The following ZNF536 variants were observed in gnomAD, a reference collection of about 807,000 sequenced individuals.
The protein encoded by ZNF536 is zinc finger protein 536.
A neutral mutation model predicts 84.5 loss-of-function variants in ZNF536; 13 were observed. The ratio of observed to expected loss-of-function variants is 0.15; its 90% CI spans 0.10 to 0.24. ZNF536 has a LOEUF of 0.24. Ranked by LOEUF, ZNF536 falls within the 10% of genes least tolerant of loss-of-function variation. The pLI is 1.00. For synonymous variants in ZNF536, 811 were observed against 742.5 expected, an observed-to-expected ratio of 1.09 and a Z score of -1.50; for missense variants, 1,536 against 1,747.5, an observed-to-expected ratio of 0.88 and a Z score of 2.16.
At chr19:30,283,477 TCAC>T (rs1381947612) in intron 1 of ZNF536, among the ~76,000 whole-genome samples, 1 of 152,222 alleles carries the variant, frequency 6.6e-6, no homozygotes, top group Non-Finnish European at 1.5e-5. Flanking sequence ...GTAGAAAATC[TCAC>T]TGGCTGCTGC....
intron 1 of ZNF536, among the ~76,000 whole-genome samples, chr19:30,265,350 C>G (rs1364496767): frequency 6.6e-6 from 1 of 152,190 alleles, no homozygotes; most frequent in African/African-American, 2.4e-5. Context: ...ATTTCTGCAT[C>G]TTCCCCCATG....
chr19:30,654,855 G>A (rs1260639560), intron 1 of ZNF536, among the ~76,000 whole-genome samples: 1 of 150,904 alleles, frequency 6.6e-6, no homozygotes, highest in African/African-American at 2.4e-5. Context: ...CCCATGCTGG[G>A]CAAAGCCACC....
intron 1 of ZNF536, among the ~76,000 whole-genome samples, chr19:30,268,495 C>T (rs1599965173): frequency 6.6e-6 from 1 of 152,206 alleles, no homozygotes; most frequent in East Asian, 1.9e-4. Flanking sequence ...CTTCTCGACC[C>T]TCCCAGGGAG....
At chr19:30,504,292 CTCCT>C (rs1379963936) in intron 2 of ZNF536, among the ~76,000 whole-genome samples, 21 of 147,458 alleles carry the variant, frequency 1.4e-4, no homozygotes, top group Non-Finnish European at 2.9e-4. Context: ...CCCTCCCTCC[CTCCT>C]TCCTTCCTTC....
intron 1 of ZNF536, among the ~76,000 whole-genome samples, chr19:30,595,485 T>C (rs2047431975): frequency 6.6e-6 from 1 of 152,056 alleles, no homozygotes; most frequent in Non-Finnish European, 1.5e-5. Context: ...ATGGGGTCTC[T>C]CTATGTTGCC....
intron 2 of ZNF536, among the ~76,000 whole-genome samples, chr19:30,288,832 A>G (rs2045736405): frequency 6.6e-6 from 1 of 152,160 alleles, no homozygotes; most frequent in Non-Finnish European, 1.5e-5. Flanking sequence ...CATTTCCTCT[A>G]TTCCATCATC....
At chr19:30,667,580 T>C (rs2050379949) in intron 1 of ZNF536, among the ~76,000 whole-genome samples, 1 of 151,292 alleles carries the variant, frequency 6.6e-6, no homozygotes, top group Non-Finnish European at 1.5e-5. Flanking sequence ...CATGACTGTG[T>C]ATAAAACAAT....
intron 1 of ZNF536, among the ~76,000 whole-genome samples, chr19:30,265,013 G>T (rs78409402): frequency 6.8e-6 from 1 of 148,102 alleles, no homozygotes; most frequent in African/African-American, 2.5e-5. Context: ...CACTCATCTC[G>T]CAGCCATTTC....
At chr19:30,476,556 G>A (rs1405371468) in intron 2 of ZNF536, among the ~76,000 whole-genome samples, 1 of 152,188 alleles carries the variant, frequency 6.6e-6, no homozygotes, top group Non-Finnish European at 1.5e-5. Context: ...GTTCGTGAAG[G>A]AATATTGCTT....
chr19:30,416,054 A>G (rs2050717450), intron 1 of ZNF536, among the ~76,000 whole-genome samples: 1 of 152,128 alleles, frequency 6.6e-6, no homozygotes, highest in Non-Finnish European at 1.5e-5. Context: ...CTACTTTCAC[A>G]TGATCTTTCA....
chr19:30,581,350 G>A (rs948307235), intron 1 of ZNF536, among the ~76,000 whole-genome samples: 2 of 151,828 alleles, frequency 1.3e-5, no homozygotes, highest in Admixed American at 6.5e-5. Context: ...GGTGGTGGGC[G>A]CCTGTAGTCC....
chr19:30,444,866 A>C lies in ZNF536; in HGVS notation c.1304A>C (p.Gln435Pro). The change falls in exon 2 of 5, where the codon CAG becomes CCG. Residue 435 changes from glutamine to proline, a missense_variant. Physicochemically the swap from Gln to Pro is moderately conservative, Grantham distance 76. Coordinates refer to ENST00000355537, the MANE Select transcript of ZNF536 (RefSeq NM_014717.3). ...TACTCCAGGTACCTCTCCTGCCTGC[A>C]GAGTGGCTTCATGACCCCGGACAAA... is the stretch of plus-strand genomic sequence containing the variant. ...NLYSRYLSCL[Q>P]SGFMTPDKAG... The C allele has an allele frequency of 1.2e-6, 2 of 1,613,338 alleles. No individual in the cohort carries two copies. Among genetic ancestry groups the C allele is most frequent in the Non-Finnish European group, 8.5e-7 (1 of 1,179,860 alleles).
At chr19:30,451,899 A>C (rs966527737) in intron 2 of ZNF536, among the ~76,000 whole-genome samples, 1 of 152,240 alleles carries the variant, frequency 6.6e-6, no homozygotes, top group African/African-American at 2.4e-5. Flanking sequence ...AGGAAAACAT[A>C]GATTAGCTAA....
chr19:30,314,086 A>G (rs946106099), intron 2 of ZNF536, among the ~76,000 whole-genome samples: 6 of 152,164 alleles, frequency 3.9e-5, no homozygotes, highest in African/African-American at 1.4e-4. Context: ...GTGCTAAGCA[A>G]ATGCTTGCTT....
intron 2 of ZNF536, among the ~76,000 whole-genome samples, chr19:30,530,395 G>A (rs1213045306): frequency 2.0e-5 from 3 of 152,104 alleles, no homozygotes; most frequent in African/African-American, 7.2e-5. Flanking sequence ...TGCCCAGGCT[G>A]GAGTGCAGCA....
exon 2 of ZNF536, chr19:30,712,503 G>T (rs917692172): frequency 6.6e-6 from 1 of 151,050 alleles, no homozygotes; most frequent in Admixed American, 6.6e-5. Context: ...AAAAACTTCA[G>T]CTCTGCCTAC....
intron 2 of ZNF536, among the ~76,000 whole-genome samples, chr19:30,528,760 C>T (rs2044688340): frequency 6.6e-6 from 1 of 152,166 alleles, no homozygotes; most frequent in Non-Finnish European, 1.5e-5. Flanking sequence ...AACTGACCAC[C>T]TGTCCTCAGC....
intron 1 of ZNF536, chr19:30,436,586 G>T: frequency 2.5e-6 from 2 of 814,794 alleles, no homozygotes; most frequent in South Asian, 5.6e-5. Context: ...CCCTGAAAAG[G>T]TTCAGTAGTC....
chr19:30,588,020 T>C lies in ZNF536; in HGVS notation c.169+38506T>C, dbSNP rs569596491. On this transcript the variant is annotated intron_variant, in intron 1 of 1. Coordinates refer to the ZNF536 transcript ENST00000592773. ...CTTCTTCCTCTTGTGGGAGTCCCTC[T>C]AGATCTCATAGGCCCCAGCTGCAAA... Among the ~76,000 whole-genome samples the C allele has an allele frequency of 5.9e-5, 9 of 152,366 alleles. No homozygotes were observed. In the South Asian group the frequency reaches 1.7e-3, roughly 28 times the overall value.
Sources: gnomAD v4.1 joint callset for allele counts (sites outside exome capture counted in the v4.1 genomes callset) on GRCh38, gnomAD v4.1.1 for gene constraint, MANE v1.5 for transcripts, NCBI Gene and HGNC (gene_info 2026-07-23, HGNC 2026-07-21) for gene names.